ATP9A: variants seen among roughly 807,000 people sequenced by gnomAD.
ATP9A encodes the protein ATPase phospholipid transporting 9A.
ATP9A carries 52 observed loss-of-function variants against 144.1 expected under a neutral mutation model. The observed-to-expected ratio is 0.36, with a 90% CI of 0.29 to 0.45. ATP9A has a LOEUF of 0.45. Among genes scored for constraint, ATP9A ranks in the 20% least tolerant of loss-of-function variants. ATP9A has a pLI of 1.00. For missense variants in ATP9A, 947 were observed against 1,392.7 expected (o/e 0.68, Z 5.09); for synonymous variants, 582 against 557.4 (o/e 1.04, Z -0.62).
intron 1 of ATP9A, among the ~76,000 whole-genome samples, chr20:51,734,119 T>C (rs968106928): frequency 5.9e-5 from 9 of 151,820 alleles, no homozygotes; most frequent in Non-Finnish European, 8.8e-5. Context: ...GCTGGGACTA[T>C]AGGCAAGCAC....
intron 4 of ATP9A, among the ~76,000 whole-genome samples, chr20:51,712,123 A>AGT (rs2122849315): frequency 7.2e-6 from 1 of 138,990 alleles, no homozygotes; most frequent in Non-Finnish European, 1.5e-5. Context: ...CCCAGGCTGG[A>AGT]GTGCAGTGGC....
chr20:51,712,137 G>A (rs1314036595), intron 4 of ATP9A, among the ~76,000 whole-genome samples: 6 of 148,788 alleles, frequency 4.0e-5, no homozygotes, highest in Non-Finnish European at 6.0e-5. Flanking sequence ...CAGTGGCGCG[G>A]TCTATGCTCA....
chr20:51,639,783 C>T (rs774575157), intron 14 of ATP9A, among the ~76,000 whole-genome samples: 13 of 152,092 alleles, frequency 8.5e-5, no homozygotes, highest in Non-Finnish European at 1.8e-4. Flanking sequence ...AAAGAGATGG[C>T]ACAGAATTAA....
At chr20:51,761,853 G>A (rs1441240890) in intron 1 of ATP9A, among the ~76,000 whole-genome samples, 2 of 152,234 alleles carry the variant, frequency 1.3e-5, no homozygotes, top group South Asian at 4.1e-4. Context: ...TGGGCCTCAT[G>A]GGACTAAAAT....
chr20:51,634,583 G>A (rs1301685108), intron 15 of ATP9A, among the ~76,000 whole-genome samples: 2 of 152,084 alleles, frequency 1.3e-5, no homozygotes, highest in Admixed American at 6.6e-5. Context: ...AGGGCCGAGC[G>A]TGGCGGCTCA....
At chr20:51,760,729 A>G (rs2077876586) in intron 1 of ATP9A, among the ~76,000 whole-genome samples, 2 of 149,282 alleles carry the variant, frequency 1.3e-5, no homozygotes, top group Admixed American at 6.7e-5. Context: ...CCGTCTCAAA[A>G]AAAAAAAAAA....
chr20:51,662,509 C>T (rs1013252339), intron 13 of ATP9A, among the ~76,000 whole-genome samples: 2 of 149,778 alleles, frequency 1.3e-5, no homozygotes, highest in South Asian at 2.1e-4. Context: ...CACGCCACTG[C>T]ACTCCAGCCT....
intron 1 of ATP9A, among the ~76,000 whole-genome samples, chr20:51,736,842 G>C (rs762590962): frequency 6.6e-6 from 1 of 152,054 alleles, no homozygotes. Context: ...CAAGACTATA[G>C]AGCAGTCCAG....
At chr20:51,676,376 A>G (rs1465394403) in intron 9 of ATP9A, among the ~76,000 whole-genome samples, 168 bp from the exon 10 acceptor site, 2 of 151,172 alleles carry the variant, frequency 1.3e-5, no homozygotes, top group African/African-American at 4.9e-5. Context: ...GTGGCACAAC[A>G]TGGGCTAACT....
Position 51,601,149 on chromosome 20 carries a change from A to C in ATP9A, c.*62T>G. On this transcript the variant is annotated 3_prime_UTR_variant, in exon 28 of 28. Transcript: ENST00000338821. ...CACAGGTGGCGGTTAATATAAATGG[A>C]ACTTGAGCTCTGTCCATCAGGGAAG... The C allele has an allele frequency of 6.6e-7, 1 of 1,511,374 alleles. No individual in the cohort carries two copies. The highest frequency in any genetic ancestry group is 1.3e-5 in the South Asian group (1 of 75,114). 93.6% of individuals were successfully genotyped at this position (1,511,374 alleles called of 1,614,324 possible).
At position 51,729,926 on chromosome 20, in the gene ATP9A, C is replaced by G; in HGVS notation, c.121G>C (p.Val41Leu). Reference sequence around the variant, plus strand: ...CTCTTCTCGGGGTGCCCCAGCCAGACAGTGCGGGGCCTGGCCTCCCCTCCA... The same window carrying G: ...CTCTTCTCGGGGTGCCCCAGCCAGAGAGTGCGGGGCCTGGCCTCCCCTCCA... ...CGGGEARPRT[V>L]WLGHPEKRDQ... Residue 41 changes from valine (V) to leucine (L), a missense_variant, in exon 2 of 28, where the codon GTC becomes CTC. By Grantham distance (32) the Val-to-Leu change is conservative. This residue lies in a region of ATP9A where 770 missense variants were observed against 1,047.9 expected (regional missense o/e 0.73). Transcript: ENST00000338821. The G allele has an allele frequency of 1.2e-6, 2 of 1,601,062 alleles. No individual in the cohort carries two copies. The highest frequency in any genetic ancestry group is 1.7e-6 in the Non-Finnish European group (2 of 1,176,096).
intron 14 of ATP9A, among the ~76,000 whole-genome samples, chr20:51,645,780 G>C (rs2077339892): frequency 6.6e-6 from 1 of 152,156 alleles, no homozygotes; most frequent in African/African-American, 2.4e-5. Context: ...CAAACATCTG[G>C]GGAGTGAGCT....
intron 1 of ATP9A, among the ~76,000 whole-genome samples, chr20:51,745,136 G>A (rs1049067322): frequency 1.6e-4 from 24 of 152,054 alleles, no homozygotes; most frequent in Admixed American, 5.9e-4. Flanking sequence ...ATTTAGCCAG[G>A]TGTGGCTGTA....
intron 4 of ATP9A, among the ~76,000 whole-genome samples, chr20:51,699,212 G>A (rs1164805242): frequency 6.6e-6 from 1 of 151,686 alleles, no homozygotes; most frequent in Non-Finnish European, 1.5e-5. Flanking sequence ...CATAGTGGCA[G>A]GCACGTGTAA....
intron 23 of ATP9A, among the ~76,000 whole-genome samples, chr20:51,612,429 T>C (rs970371356): frequency 1.3e-5 from 2 of 151,760 alleles, no homozygotes; most frequent in African/African-American, 2.4e-5. Flanking sequence ...GCAAATTTTG[T>C]TGTTGTTGTT....
At chr20:51,638,183 T>C (rs1356824375) in intron 15 of ATP9A, among the ~76,000 whole-genome samples, 1 of 141,634 alleles carries the variant, frequency 7.1e-6, no homozygotes, top group East Asian at 2.0e-4. Context: ...TCCATATCTT[T>C]GCAATTGCAA....
At chr20:51,711,790 G>A (rs974369038) in intron 4 of ATP9A, among the ~76,000 whole-genome samples, 1 of 149,284 alleles carries the variant, frequency 6.7e-6, no homozygotes, top group African/African-American at 2.4e-5. Flanking sequence ...TCTTGCAAGT[G>A]GGGGGTCAGT....
At chr20:51,705,167 A>G (rs2077610004) in intron 4 of ATP9A, among the ~76,000 whole-genome samples, 1 of 152,212 alleles carries the variant, frequency 6.6e-6, no homozygotes, top group Non-Finnish European at 1.5e-5. Flanking sequence ...TAATGAATGC[A>G]CCTTCCCTAC....
chr20:51,694,946 G>T (rs576519263), intron 6 of ATP9A, among the ~76,000 whole-genome samples: 2 of 152,194 alleles, frequency 1.3e-5, no homozygotes, highest in Admixed American at 1.3e-4. Context: ...ACACAAGAAC[G>T]AATTTAAAGA....
Sources: gnomAD v4.1 joint callset for allele counts (sites outside exome capture counted in the v4.1 genomes callset) on GRCh38, gnomAD v4.1.1 for gene constraint, gnomAD v4.1.1 regional missense constraint, MANE v1.5 for transcripts, NCBI Gene and HGNC (gene_info 2026-07-23, HGNC 2026-07-21) for gene names.